NUS1: variants seen among roughly 807,000 people sequenced by gnomAD.
The protein encoded by NUS1 is dehydrodolichyl diphosphate synthase complex subunit NUS1.
For synonymous variants in NUS1, 135 were observed against 155.2 expected, an observed-to-expected ratio of 0.87 and a Z score of 0.97; for missense variants, 292 against 382.9, an observed-to-expected ratio of 0.76 and a Z score of 1.98.
At chr6:117,687,324 T>C (rs188064970) in intron 1 of NUS1, among the ~76,000 whole-genome samples, 65 of 152,314 alleles carry the variant, frequency 4.3e-4, no homozygotes, top group Non-Finnish European at 7.3e-4. Context: ...GTTGATTAAA[T>C]AAACATTGAA....
At position 117,676,101 on chromosome 6, in the gene NUS1, G is replaced by C. The variant is rs777178027; in HGVS notation, c.415+16G>C. 2.2e-5 allele frequency: 34 copies of C among 1,550,294 alleles called. No homozygotes were observed. The highest frequency in any genetic ancestry group is 1.7e-5 in the Non-Finnish European group (19 of 1,147,044). ...GACCACCAAGGTGAGGCCCGGTGCG[G>C]TGGTGGGGGGTGGCCGAGGCGTCTT... On this transcript the variant is annotated intron_variant, in intron 1 of 4. Transcript: ENST00000368494.
chr6:117,705,531 A>G (rs76133410), intron 4 of NUS1, among the ~76,000 whole-genome samples: 5,619 of 152,272 alleles, frequency 0.037, 100 homozygotes, highest in South Asian at 0.066. Context: ...TATGATAGCT[A>G]TATCACATTA....
chr6:117,695,193 CAAAAAAAAAAAAAA>C (rs58136219), intron 3 of NUS1, among the ~76,000 whole-genome samples: 2 of 55,236 alleles, frequency 3.6e-5, no homozygotes, highest in South Asian at 1.1e-3. Flanking sequence ...GACCCTGTCT[CAAAAAAAAAAAAAA>C]AAAAAAAAAA....
chr6:117,676,202 T>C, intron 1 of NUS1, 117 bp downstream of exon 1: 1 of 1,472,452 alleles, frequency 6.8e-7, no homozygotes, highest in South Asian at 1.3e-5. Context: ...ATCACAGCGC[T>C]AGCGCTTTCG....
At chr6:117,697,897 C>G (rs1318125269) in intron 3 of NUS1, among the ~76,000 whole-genome samples, 1 of 152,044 alleles carries the variant, frequency 6.6e-6, no homozygotes, top group Non-Finnish European at 1.5e-5. Flanking sequence ...CAAGAAGAGA[C>G]CATATGTTGG....
intron 1 of NUS1, among the ~76,000 whole-genome samples, chr6:117,679,343 G>A (rs905266197): frequency 1.3e-5 from 2 of 152,156 alleles, no homozygotes; most frequent in Admixed American, 6.5e-5. Flanking sequence ...TTTCCCTAAT[G>A]GCAGCATTCT....
intron 2 of NUS1, among the ~76,000 whole-genome samples, chr6:117,693,615 G>A (rs975903664): frequency 1.3e-5 from 2 of 152,118 alleles, no homozygotes; most frequent in Non-Finnish European, 2.9e-5. Context: ...TATGCTATAG[G>A]CAATGCATAT....
intron 3 of NUS1, among the ~76,000 whole-genome samples, chr6:117,695,193 C>CATAAAAAAAAAA (rs1773299065): frequency 1.8e-5 from 1 of 55,230 alleles, no homozygotes; most frequent in Non-Finnish European, 2.9e-5. Flanking sequence ...GACCCTGTCT[C>CATAAAAAAAAAA]AAAAAAAAAA....
chr6:117,691,288 A>G (rs938545583), intron 1 of NUS1, among the ~76,000 whole-genome samples: 3 of 151,990 alleles, frequency 2.0e-5, no homozygotes, highest in Non-Finnish European at 4.4e-5. Context: ...AACTAGGACT[A>G]TCCTCTTACC....
chr6:117,701,818 T>C (rs969563874), intron 3 of NUS1, among the ~76,000 whole-genome samples: 3 of 152,140 alleles, frequency 2.0e-5, no homozygotes, highest in African/African-American at 7.2e-5. Context: ...TGTCTATAAA[T>C]AAAGATTACT....
At chr6:117,703,809 G>C (rs1582477200) in intron 4 of NUS1, 105 bp downstream of exon 4, 7 of 797,440 alleles carry the variant, frequency 8.8e-6, no homozygotes, top group East Asian at 7.3e-5. Flanking sequence ...TATAATACTG[G>C]ATCCTTTACC....
At chr6:117,692,162 G>A (rs1351120929) in intron 1 of NUS1, among the ~76,000 whole-genome samples, 2 of 152,118 alleles carry the variant, frequency 1.3e-5, no homozygotes, top group South Asian at 4.1e-4. Context: ...AAAGATTTAA[G>A]CAGCTTTATA....
At position 117,695,193 on chromosome 6, in the gene NUS1, CAAAAAAAAAAA is replaced by C. The variant is rs58136219; in HGVS notation, c.691+1031_691+1041del. Among the ~76,000 whole-genome samples the C allele has an allele frequency of 3.1e-4, 17 of 55,232 alleles. No homozygotes were observed. In the Admixed American group the frequency reaches 3.9e-3, roughly 13 times the overall value. 36.2% of individuals were successfully genotyped at this position (55,232 alleles called of 152,430 possible). On this transcript the variant is annotated intron_variant, in intron 3 of 4. Transcript: ENST00000368494. Reference sequence around the variant, plus strand: ...TGGGTGACGGAGTGAGACCCTGTCTCAAAAAAAAAAAAAAAAAAAAAAAAAAAAGAAAAAGA... The same window carrying C: ...TGGGTGACGGAGTGAGACCCTGTCTCAAAAAAAAAAAAAAAAAGAAAAAGA...
chr6:117,690,979 CAAAAAAAAAAA>C (rs71736900), intron 1 of NUS1, among the ~76,000 whole-genome samples: 1 of 73,294 alleles, frequency 1.4e-5, no homozygotes, highest in Non-Finnish European at 2.4e-5. Context: ...GAGTCTGTCT[CAAAAAAAAAAA>C]AAAAAAAAAA....
intron 2 of NUS1, among the ~76,000 whole-genome samples, chr6:117,693,512 T>G (rs1037458431): frequency 3.3e-5 from 5 of 152,170 alleles, no homozygotes; most frequent in Non-Finnish European, 7.4e-5. Flanking sequence ...AAGAAAGAAT[T>G]TGCATGTCTA....
At chr6:117,705,388 T>C (rs930730310) in intron 4 of NUS1, among the ~76,000 whole-genome samples, 1 of 152,198 alleles carries the variant, frequency 6.6e-6, no homozygotes, top group Non-Finnish European at 1.5e-5. Flanking sequence ...CTCTATAACT[T>C]GACTTTGGCA....
In NUS1 at chr6:117,707,108, C is replaced by CA; in HGVS notation, c.*94dup. ...CAAAGCACCTATGAAACCCTGTACA[C>CA]ACCTAGTTCATAATCCTCATAATTT... On this transcript the variant is annotated 3_prime_UTR_variant, in exon 5 of 5. Coordinates refer to ENST00000368494, the MANE Select transcript of NUS1 (RefSeq NM_138459.5). The CA allele has an allele frequency of 9.7e-7, 1 of 1,034,558 alleles. No individual in the cohort carries two copies. Among genetic ancestry groups the CA allele is most frequent in the Non-Finnish European group, 1.5e-6 (1 of 667,428 alleles). The allele number at this position is 1,034,558 out of a possible 1,614,324, so 64.1% of individuals were successfully genotyped here.
chr6:117,695,916 T>G (rs969046023), intron 3 of NUS1, among the ~76,000 whole-genome samples: 4 of 152,170 alleles, frequency 2.6e-5, no homozygotes. Context: ...AGTAGTATTT[T>G]CTAGATATAC....
intron 3 of NUS1, among the ~76,000 whole-genome samples, chr6:117,696,083 A>G (rs960174309): frequency 3.3e-5 from 5 of 152,022 alleles, no homozygotes; most frequent in Non-Finnish European, 5.9e-5. Context: ...AATTTAACAA[A>G]GAGAGTGAAA....
Sources: gnomAD v4.1 joint callset for allele counts (sites outside exome capture counted in the v4.1 genomes callset) on GRCh38, gnomAD v4.1.1 for gene constraint, MANE v1.5 for transcripts, NCBI Gene and HGNC (gene_info 2026-07-23, HGNC 2026-07-21) for gene names.